The following ARHGEF10L variants were observed in gnomAD, a reference collection of about 807,000 sequenced individuals.
ARHGEF10L encodes the protein rho guanine nucleotide exchange factor 10-like protein.
In ARHGEF10L, 69 loss-of-function variants were observed where a neutral mutation model predicts 141.2. The observed-to-expected ratio is 0.49, with a 90% confidence interval of 0.40 to 0.60. ARHGEF10L has a LOEUF of 0.60. Ranked by LOEUF, ARHGEF10L falls within the 20% of genes least tolerant of loss-of-function variation. ARHGEF10L has a pLI of 0.00. For missense variants in ARHGEF10L, 1,482 were observed against 1,734.3 expected (o/e 0.85, Z 2.58); for synonymous variants, 711 against 718.5 (o/e 0.99, Z 0.17).
rs773423544 is a variant in ARHGEF10L, at chr1:17,621,132, C to T, written c.943-732C>T. Among the ~76,000 whole-genome samples the T allele has an allele frequency of 6.6e-6, 1 of 152,110 alleles. No individual in the cohort carries two copies. Among genetic ancestry groups the T allele is most frequent in the Non-Finnish European group, 1.5e-5 (1 of 68,026 alleles). On this transcript the variant is annotated intron_variant, in intron 10 of 28. Coordinates refer to ENST00000361221, the MANE Select transcript of ARHGEF10L (RefSeq NM_018125.4). This position sits in a 1 kb window ranked among gnomAD's most constrained non-coding sequence, Gnocchi z 4.1. ...AGCAGAGACCACTCGTGTGGGGGGA[C>T]GGTACCCCAAGGCCTGTCTTGTGGA...
At chr1:17,655,827 T>C in intron 23 of ARHGEF10L, 52 bp from the exon 24 acceptor site, 2 of 1,506,538 alleles carry the variant, frequency 1.3e-6, no homozygotes, top group Non-Finnish European at 1.8e-6. Flanking sequence ...GGTCCTCCTC[T>C]GCTCCCTCCT....
intron 2 of ARHGEF10L, among the ~76,000 whole-genome samples, chr1:17,582,281 G>C (rs1409363775): frequency 6.6e-6 from 1 of 152,102 alleles, no homozygotes; most frequent in Non-Finnish European, 1.5e-5. Context: ...TCCCCACCAA[G>C]AGGCCTGAAC....
intron 1 of ARHGEF10L, among the ~76,000 whole-genome samples, chr1:17,542,412 G>A (rs981659219): frequency 6.6e-6 from 1 of 152,180 alleles, no homozygotes; most frequent in Admixed American, 6.5e-5. Flanking sequence ...TTGTGCCACC[G>A]TACTACAGCT....
At chr1:17,533,156 T>C in the ARHGEF10L span, among the ~76,000 whole-genome samples, 2 of 152,208 alleles carry the variant, frequency 1.3e-5, no homozygotes, top group Non-Finnish European at 2.9e-5. Flanking sequence ...ACAGGTCTTC[T>C]TGACGAACAT....
chr1:17,640,564 T>C lies in ARHGEF10L; in HGVS notation c.2272+262T>C, dbSNP rs149819069. On this transcript the variant is annotated intron_variant, in intron 21 of 28. Coordinates refer to ENST00000361221, the MANE Select transcript of ARHGEF10L (RefSeq NM_018125.4). The stretch of plus-strand genomic sequence containing the variant: ...TGGAACTTGACAGAAAGTAAATTAG[T>C]GGTTGCCAGGGACCTGAGAGGAGAG... 6.3e-3 allele frequency among the ~76,000 whole-genome samples: 953 copies of C among 152,204 alleles called. 14 individuals are homozygous for C. Among genetic ancestry groups the C allele is most frequent in the African/African-American group, 0.022 (899 of 41,528 alleles).
intron 26 of ARHGEF10L, among the ~76,000 whole-genome samples, chr1:17,680,493 G>A (rs2064035363): frequency 1.3e-5 from 2 of 152,232 alleles, no homozygotes; most frequent in Non-Finnish European, 2.9e-5. Context: ...GTGGGCGCCT[G>A]TAGCGGGTGG....
upstream of ARHGEF10L, among the ~76,000 whole-genome samples, chr1:17,535,046 A>G (rs530140559): frequency 2.1e-4 from 32 of 152,214 alleles, 1 homozygote; most frequent in South Asian, 6.2e-3. Context: ...TATTTCTATT[A>G]TTATATTGTA....
intron 15 of ARHGEF10L, among the ~76,000 whole-genome samples, chr1:17,628,154 A>G (rs1225111564): frequency 1.3e-5 from 2 of 152,164 alleles, no homozygotes; most frequent in Admixed American, 6.5e-5. Flanking sequence ...CCTGGCCAAC[A>G]TGGTGAAACC....
At chr1:17,675,008 G>A (rs1197188319) in intron 26 of ARHGEF10L, among the ~76,000 whole-genome samples, 2 of 152,122 alleles carry the variant, frequency 1.3e-5, no homozygotes, top group Admixed American at 1.3e-4. Flanking sequence ...AGCAACACGT[G>A]GCTGTATCAT....
chr1:17,656,653 C>T lies in ARHGEF10L; in HGVS notation c.2805C>T (p.Phe935=). The T allele has an allele frequency of 6.2e-7, 1 of 1,613,674 alleles. No individual in the cohort carries two copies. The highest frequency in any genetic ancestry group is 8.5e-7 in the Non-Finnish European group (1 of 1,180,008). Residue 935 remains phenylalanine, a synonymous_variant, in exon 25 of 29, where the codon TTC becomes TTT. Coordinates refer to ENST00000361221, the MANE Select transcript of ARHGEF10L (RefSeq NM_018125.4). This position sits in a 1 kb window ranked among gnomAD's most constrained non-coding sequence, Gnocchi z 4.9. ...TGCTCTGCCTGCGACACAGCCCCTT[C>T]CACCTGCTCGCTGGCCTGCAGGATG... ...QPVLCLRHSP[F]HLLAGLQDGT... is the part of the protein sequence containing the mutation.
At chr1:17,588,376 G>A (rs1402662484) in intron 3 of ARHGEF10L, 70 bp from the exon 4 acceptor site, 5 of 1,577,088 alleles carry the variant, frequency 3.2e-6, no homozygotes, top group Non-Finnish European at 3.5e-6. Context: ...TGGGAAAGGG[G>A]CGGGGAAGGC....
chr1:17,602,069 C>A, intron 4 of ARHGEF10L, 58 bp from the exon 5 acceptor site: 1 of 1,441,644 alleles, frequency 6.9e-7, no homozygotes, highest in Non-Finnish European at 9.3e-7. Flanking sequence ...TGAGGGGCTG[C>A]CAGAGGCTTC....
chr1:17,694,783 AGCTG>A, intron 27 of ARHGEF10L: 1 of 385,136 alleles, frequency 2.6e-6, no homozygotes, highest in Non-Finnish European at 5.1e-6. Context: ...TTTTGCTCGT[AGCTG>A]GCTGGCTGGA....
intron 16 of ARHGEF10L, chr1:17,634,208 A>C (rs2060864240): frequency 2.3e-6 from 1 of 442,386 alleles, no homozygotes; most frequent in Admixed American, 4.1e-5. Context: ...CTCTGCCTTC[A>C]TGTTGCTCTA....
the ARHGEF10L span, among the ~76,000 whole-genome samples, chr1:17,526,360 AAG>A: frequency 6.6e-6 from 1 of 152,170 alleles, no homozygotes; most frequent in Admixed American, 6.5e-5. Flanking sequence ...TTTGTGGGAG[AAG>A]AGGCCTCCTA....
chr1:17,637,101 C>T (rs1449909031), intron 18 of ARHGEF10L, among the ~76,000 whole-genome samples: 3 of 152,156 alleles, frequency 2.0e-5, no homozygotes, highest in Non-Finnish European at 4.4e-5. Flanking sequence ...CTGCTTCCTC[C>T]GCCACTTGTC....
chr1:17,642,086 G>A (rs939184871), intron 21 of ARHGEF10L, among the ~76,000 whole-genome samples: 1 of 152,202 alleles, frequency 6.6e-6, no homozygotes, highest in African/African-American at 2.4e-5. Context: ...TGGGCATGGG[G>A]GAAGAATAAT....
intron 26 of ARHGEF10L, among the ~76,000 whole-genome samples, chr1:17,676,015 T>C (rs1370009412): frequency 2.1e-5 from 3 of 140,712 alleles, no homozygotes; most frequent in African/African-American, 8.1e-5. Context: ...CAGGTGTGGA[T>C]GCAGGTATGT....
At chr1:17,691,876 A>C (rs1437289167) in intron 27 of ARHGEF10L, among the ~76,000 whole-genome samples, 1 of 152,182 alleles carries the variant, frequency 6.6e-6, no homozygotes, top group Admixed American at 6.5e-5. Flanking sequence ...ACTCACAGAT[A>C]CTTCTTGAGA....
Sources: allele counts gnomAD v4.1 joint callset (sites outside exome capture counted in the v4.1 genomes callset), GRCh38; gene constraint gnomAD v4.1.1; non-coding constraint Gnocchi (gnomAD v3.1); transcripts MANE v1.5; gene names NCBI Gene and HGNC (gene_info 2026-07-23, HGNC 2026-07-21).